CHD9: variants seen among roughly 807,000 people sequenced by gnomAD.
CHD9 encodes ATP-dependent chromatin remodeler CHD9.
Under a neutral mutation model 316.1 loss-of-function variants are expected in CHD9, and 77 were observed. The ratio of observed to expected loss-of-function variants is 0.24; its 90% CI spans 0.20 to 0.29. The LOEUF is 0.29. CHD9 is among the 10% of genes least tolerant of loss of function. The pLI, the probability that CHD9 is intolerant of heterozygous loss-of-function variation, is 1.00. For synonymous variants in CHD9, 1,129 were observed against 1,158.3 expected (o/e 0.97, Z 0.51); for missense variants, 2,763 against 3,438.1 (o/e 0.80, Z 4.91).
At chr16:53,160,403 G>T (rs958537063) in intron 2 of CHD9, among the ~76,000 whole-genome samples, 1 of 152,086 alleles carries the variant, frequency 6.6e-6, no homozygotes, top group African/African-American at 2.4e-5. Flanking sequence ...AGTCTCTAAT[G>T]CTAGCATGTA....
chr16:53,062,069 C>T (rs188311608), intron 1 of CHD9, among the ~76,000 whole-genome samples: 82 of 152,324 alleles, frequency 5.4e-4, no homozygotes, highest in Admixed American at 5.0e-3. Context: ...AGCAGGTGCT[C>T]CACCCACGCT....
chr16:53,183,262 T>C (rs1416926788), intron 2 of CHD9, among the ~76,000 whole-genome samples: 2 of 152,232 alleles, frequency 1.3e-5, no homozygotes, highest in Non-Finnish European at 2.9e-5. Flanking sequence ...ATAAACATTA[T>C]GGATAACCAT....
intron 23 of CHD9, 143 bp from the exon 24 acceptor site, chr16:53,274,070 A>G (rs919330546): frequency 6.1e-5 from 40 of 656,080 alleles, no homozygotes; most frequent in African/African-American, 5.3e-4. Flanking sequence ...TATATATGGT[A>G]GTAATAAGAT....
intron 2 of CHD9, among the ~76,000 whole-genome samples, chr16:53,164,762 T>C (rs1479617036): frequency 6.6e-6 from 1 of 152,044 alleles, no homozygotes; most frequent in East Asian, 1.9e-4. Context: ...CGAGTGATTC[T>C]TGTGCCTCAG....
At position 53,214,473 on chromosome 16, in the gene CHD9, T is replaced by G. The variant is rs557006572; in HGVS notation, c.1784+4660T>G. Among the ~76,000 whole-genome samples, 14 of 152,294 alleles carry G rather than the reference T, an allele frequency of 9.2e-5. No individual in the cohort carries two copies. The East Asian group carries it at 2.5e-3, about 27-fold the overall frequency. ...AAGAGCAGTTGTCAAAATGCATGGT[T>G]TAAATTTATTATGAATTTTTTATTA... is the stretch of plus-strand genomic sequence containing the variant. On this transcript the variant is annotated intron_variant, in intron 3 of 38. Coordinates refer to ENST00000447540, the MANE Select transcript of CHD9 (RefSeq NM_001308319.2).
At position 53,324,439 on chromosome 16, in the gene CHD9, C is replaced by T. The variant is rs2057460210; in HGVS notation, c.8238C>T (p.Asp2746=). 1 of 1,613,990 alleles carries T rather than the reference C, an allele frequency of 6.2e-7. No homozygotes were observed. Among genetic ancestry groups the T allele is most frequent in the East Asian group, 2.2e-5 (1 of 44,882 alleles). ...GGACAGAAGACAAAAAGGGAAGTGACTCTAAGGAGTCAGAAGGAAAAACAG... is the reference window on the plus strand; with the variant it reads ...GGACAGAAGACAAAAAGGGAAGTGATTCTAAGGAGTCAGAAGGAAAAACAG... ...ESGTEDKKGS[D]SKESEGKTER... The change falls in exon 39 of 39, where the codon GAC becomes GAT. Residue 2746 remains aspartate, a synonymous_variant. Coordinates refer to ENST00000447540, the MANE Select transcript of CHD9 (RefSeq NM_001308319.2).
chr16:53,314,018 G>A (rs2056688467), intron 34 of CHD9, among the ~76,000 whole-genome samples: 1 of 151,774 alleles, frequency 6.6e-6, no homozygotes, highest in Middle Eastern at 3.4e-3. Flanking sequence ...AAAAAGCAGA[G>A]ATAAATGATT....
At chr16:53,108,344 A>T (rs1597012573) in intron 1 of CHD9, among the ~76,000 whole-genome samples, 1 of 81,088 alleles carries the variant, frequency 1.2e-5, no homozygotes, top group African/African-American at 3.0e-5. Context: ...TCTACAAAAA[A>T]TACAAAAAAA....
At chr16:53,201,045 A>G (rs2045411846) in intron 2 of CHD9, among the ~76,000 whole-genome samples, 1 of 152,204 alleles carries the variant, frequency 6.6e-6, no homozygotes, top group Admixed American at 6.5e-5. Context: ...GAGGAAGCTG[A>G]GGCCCAGATA....
intron 13 of CHD9, among the ~76,000 whole-genome samples, chr16:53,243,359 G>T (rs547175371): frequency 6.6e-6 from 1 of 152,228 alleles, no homozygotes; most frequent in Non-Finnish European, 1.5e-5. Flanking sequence ...TGCTGCCCAG[G>T]CTGGAGTGCA....
chr16:53,299,819 GCTTT>G (rs2055183328), intron 30 of CHD9: 1 of 161,518 alleles, frequency 6.2e-6, no homozygotes, highest in Non-Finnish European at 1.3e-5. Flanking sequence ...CCATTCCATA[GCTTT>G]CTAGTGGAGA....
chr16:53,058,725 G>A (rs189628556), intron 1 of CHD9, among the ~76,000 whole-genome samples: 45 of 152,258 alleles, frequency 3.0e-4, no homozygotes, highest in African/African-American at 8.4e-4. Flanking sequence ...TGAAATTGAC[G>A]TTCCATGCTG....
intron 11 of CHD9, among the ~76,000 whole-genome samples, chr16:53,237,478 G>A (rs2048730890): frequency 6.6e-6 from 1 of 152,068 alleles, no homozygotes; most frequent in Admixed American, 6.6e-5. Flanking sequence ...AATGGCAAAT[G>A]TCTTCTATTT....
At chr16:53,141,830 G>C (rs1179226013) in intron 1 of CHD9, among the ~76,000 whole-genome samples, 1 of 152,182 alleles carries the variant, frequency 6.6e-6, no homozygotes, top group Admixed American at 6.5e-5. Context: ...TGGTACCTGA[G>C]TTTAATCGTG....
chr16:53,210,246 A>G (rs1452691859), intron 3 of CHD9, among the ~76,000 whole-genome samples: 1 of 151,740 alleles, frequency 6.6e-6, no homozygotes, highest in Non-Finnish European at 1.5e-5. Context: ...CATGAAATGT[A>G]ATATTTTCTT....
chr16:53,226,310 C>A, intron 4 of CHD9, 56 bp from the exon 5 acceptor site: 1 of 1,300,328 alleles, frequency 7.7e-7, no homozygotes, highest in Non-Finnish European at 1.0e-6. Flanking sequence ...TAATTATTTT[C>A]AAAAACTTTT....
Position 53,101,217 on chromosome 16 carries a change from A to G in CHD9, c.-165+46140A>G, listed in dbSNP as rs192068893. Among the ~76,000 whole-genome samples the G allele has an allele frequency of 1.3e-3, 194 of 152,268 alleles. No homozygotes were observed. In the East Asian group the frequency reaches 0.026, roughly 20 times the overall value. On this transcript the variant is annotated intron_variant, in intron 1 of 38. Coordinates refer to ENST00000447540, the MANE Select transcript of CHD9 (RefSeq NM_001308319.2). ...AAGCAAGTTTATCATAAGATGGATA[A>G]AAACCTGCTGACTGGAATAAATCTT... is the stretch of plus-strand genomic sequence containing the variant.
chr16:53,145,920 A>G (rs2152720778), intron 1 of CHD9, among the ~76,000 whole-genome samples: 1 of 152,260 alleles, frequency 6.6e-6, no homozygotes, highest in South Asian at 2.1e-4. Context: ...TAGCTACAAC[A>G]TGGAAGAACC....
intron 1 of CHD9, among the ~76,000 whole-genome samples, chr16:53,079,130 G>T (rs1463058169): frequency 2.6e-5 from 4 of 152,144 alleles, no homozygotes; most frequent in Admixed American, 6.5e-5. Context: ...AGTATGAAGG[G>T]ACCTGGGAAA....
Sources: gnomAD v4.1 joint callset for allele counts (sites outside exome capture counted in the v4.1 genomes callset) on GRCh38, gnomAD v4.1.1 for gene constraint, MANE v1.5 for transcripts, NCBI Gene and HGNC (gene_info 2026-07-23, HGNC 2026-07-21) for gene names.